MOB1A: variants seen among roughly 807,000 people sequenced by gnomAD.
MOB1A encodes the protein MOB1 Mps One Binder homolog A.
A neutral mutation model predicts 25.1 loss-of-function variants in MOB1A; 10 were observed. The ratio of observed to expected loss-of-function variants is 0.40; its 90% CI spans 0.25 to 0.68. The LOEUF (loss-of-function observed/expected upper bound fraction) is 0.68, where lower values mean the gene tolerates loss of function less well. Among genes scored for constraint, MOB1A ranks in the 30% least tolerant of loss-of-function variants. The probability of loss-of-function intolerance (pLI) is 0.40; values close to 1 mark genes in which losing one functional copy is unlikely to be tolerated. For synonymous variants in MOB1A, 81 were observed against 79.5 expected (o/e 1.02, Z -0.10); for missense variants, 177 against 256.3 (o/e 0.69, Z 2.11).
At chr2:74,176,016 C>A (rs1045274099) in intron 1 of MOB1A, among the ~76,000 whole-genome samples, 1 of 150,536 alleles carries the variant, frequency 6.6e-6, no homozygotes, top group African/African-American at 2.5e-5. Flanking sequence ...GAGGGCAAGG[C>A]GGGTGGATCA....
intron 1 of MOB1A, 47 bp downstream of exon 1, chr2:74,178,611 CCCA>C (rs1454339521): frequency 1.4e-5 from 19 of 1,350,308 alleles, no homozygotes; most frequent in Admixed American, 3.5e-5. Flanking sequence ...GGAGGCCTCC[CCCA>C]CAACCTCGGC....
intron 4 of MOB1A, among the ~76,000 whole-genome samples, chr2:74,162,444 T>C (rs1254440599): frequency 6.6e-6 from 1 of 152,164 alleles, no homozygotes. Flanking sequence ...ACTGTGCCAC[T>C]GCCCTCCAGC....
At chr2:74,175,170 G>A (rs1230907848) in intron 1 of MOB1A, among the ~76,000 whole-genome samples, 2 of 152,134 alleles carry the variant, frequency 1.3e-5, no homozygotes, top group Non-Finnish European at 2.9e-5. Flanking sequence ...TGCATGCAAG[G>A]GATCTAAATT....
chr2:74,178,810 T>C lies in MOB1A; in HGVS notation c.-136A>G. 4.4e-6 allele frequency: 2 copies of C among 457,560 alleles called. No homozygotes were observed. The highest frequency in any genetic ancestry group is 3.4e-6 in the Non-Finnish European group (1 of 289,942). The allele number at this position is 457,560 out of a possible 1,614,324, so 28.3% of individuals were successfully genotyped here. A position where few individuals can be genotyped will look rare whatever the true frequency, so the allele number is the denominator to read the frequency against. ...CCGCCGCCGCTCGGAGCCGGGTTTC[T>C]GGCCGCTGCGAGCCTTTGCAAACCT... On this transcript the variant is annotated 5_prime_UTR_variant, in exon 1 of 6. Transcript: ENST00000396049.
At chr2:74,166,890 C>G (rs1297022611) in intron 3 of MOB1A, 124 bp downstream of exon 3, 11 of 677,368 alleles carry the variant, frequency 1.6e-5, no homozygotes. Context: ...GGTGAGTAGT[C>G]AAGAACCAAT....
At chr2:74,165,517 T>G (rs1353125707) in intron 3 of MOB1A, among the ~76,000 whole-genome samples, 166 bp from the exon 4 acceptor site, 2 of 152,202 alleles carry the variant, frequency 1.3e-5, no homozygotes, top group Non-Finnish European at 2.9e-5. Context: ...TATGTAATTA[T>G]CCAGAAAGTG....
chr2:74,172,370 CTCA>C (rs1163005151), intron 2 of MOB1A, among the ~76,000 whole-genome samples: 4 of 152,190 alleles, frequency 2.6e-5, no homozygotes, highest in Admixed American at 2.6e-4. Context: ...CCCAAAAGCA[CTCA>C]TCATTTCTCC....
chr2:74,175,970 G>C (rs1452186972), intron 1 of MOB1A, among the ~76,000 whole-genome samples: 1 of 151,930 alleles, frequency 6.6e-6, no homozygotes, highest in Non-Finnish European at 1.5e-5. Context: ...AAAGAGCCGG[G>C]TGCAGTGGCT....
intron 2 of MOB1A, among the ~76,000 whole-genome samples, chr2:74,170,103 T>C (rs1212698238): frequency 6.6e-6 from 1 of 151,778 alleles, no homozygotes; most frequent in Non-Finnish European, 1.5e-5. Flanking sequence ...GAATAACAGA[T>C]GATAATCTGA....
At chr2:74,168,587 G>A (rs1253036280) in intron 2 of MOB1A, among the ~76,000 whole-genome samples, 2 of 143,614 alleles carry the variant, frequency 1.4e-5, no homozygotes, top group Admixed American at 7.6e-5. Context: ...AGGTTGCAGA[G>A]AGCTGTGAGG....
intron 2 of MOB1A, among the ~76,000 whole-genome samples, chr2:74,167,402 C>A (rs149129313): frequency 5.3e-5 from 8 of 152,174 alleles, no homozygotes; most frequent in Admixed American, 2.0e-4. Flanking sequence ...CATGCCACCA[C>A]GCCCAGCTAA....
intron 2 of MOB1A, among the ~76,000 whole-genome samples, chr2:74,167,960 G>A (rs1041048608): frequency 1.3e-5 from 2 of 152,026 alleles, no homozygotes; most frequent in East Asian, 3.9e-4. Flanking sequence ...AACAGAGTGA[G>A]ATTCCATCTC....
intron 4 of MOB1A, chr2:74,164,533 A>T (rs1232559564): frequency 1.6e-5 from 2 of 123,842 alleles, no homozygotes; most frequent in Non-Finnish European, 3.0e-5. Flanking sequence ...ATAAAAAAAT[A>T]AAAAAAGAAA....
chr2:74,177,332 G>C (rs1206302661), intron 1 of MOB1A, among the ~76,000 whole-genome samples: 1 of 152,004 alleles, frequency 6.6e-6, no homozygotes, highest in African/African-American at 2.4e-5. Context: ...TAGCCTGGAG[G>C]ACAGAGCGAA....
chr2:74,173,256 G>C (rs568535118), intron 1 of MOB1A: 2 of 512,094 alleles, frequency 3.9e-6, no homozygotes, highest in East Asian at 1.1e-4. Flanking sequence ...CACAAATAAG[G>C]CAATTTTACT....
Position 74,172,766 on chromosome 2 carries a change from A to T in MOB1A, c.15-14T>A, listed in dbSNP as rs1175721118. 1 of 1,608,278 alleles carries T rather than the reference A, an allele frequency of 6.2e-7. No individual in the cohort carries two copies. The highest frequency in any genetic ancestry group is 1.3e-5 in the African/African-American group (1 of 74,854). On this transcript the variant is annotated splice_polypyrimidine_tract_variant and intron_variant, in intron 1 of 5. Transcript: ENST00000396049. ...GAGCGGCTGCTGCTGTAAGATTAAAAGTGCAAGTATATGAATTTTTAAGAC... is the reference window on the plus strand; with the variant it reads ...GAGCGGCTGCTGCTGTAAGATTAAATGTGCAAGTATATGAATTTTTAAGAC...
At chr2:74,158,204 A>AGGG (rs1692857555) in intron 5 of MOB1A, among the ~76,000 whole-genome samples, 6 of 147,980 alleles carry the variant, frequency 4.1e-5, no homozygotes, top group African/African-American at 1.5e-4. Flanking sequence ...AGAGGGGGGA[A>AGGG]AAAAAAAAAA....
chr2:74,156,556 T>C lies in MOB1A; in HGVS notation c.*12A>G, dbSNP rs1438730481. The C allele has an allele frequency of 1.9e-6, 3 of 1,539,550 alleles. No homozygotes were observed. The highest frequency in any genetic ancestry group is 3.9e-5 in the Admixed American group (2 of 51,028). On this transcript the variant is annotated 3_prime_UTR_variant, in exon 6 of 6. Transcript: ENST00000396049. ...ATGAAGCAAGGGGGTAACTGTGTTC[T>C]AGAAGAAACATTTATCTGTCTTTTG... is the stretch of plus-strand genomic sequence containing the variant.
At chr2:74,173,403 T>G (rs1373378632) in intron 1 of MOB1A, among the ~76,000 whole-genome samples, 1 of 121,626 alleles carries the variant, frequency 8.2e-6, no homozygotes, top group Admixed American at 9.5e-5. Context: ...TTTTTTGAGA[T>G]GTAGTCTTAC....
Sources: gnomAD v4.1 joint callset for allele counts (sites outside exome capture counted in the v4.1 genomes callset) on GRCh38, gnomAD v4.1.1 for gene constraint, MANE v1.5 for transcripts, NCBI Gene and HGNC (gene_info 2026-07-23, HGNC 2026-07-21) for gene names.